MYO5B: variants seen among roughly 807,000 people sequenced by gnomAD.
MYO5B encodes myosin VB.
MYO5B carries 143 observed loss-of-function variants against 229.3 expected under a neutral mutation model. The observed-to-expected ratio is 0.62, with a 90% CI of 0.54 to 0.72. The LOEUF is 0.72. MYO5B is among the 30% of genes least tolerant of loss of function. The pLI is 0.00. For missense variants in MYO5B, 2,321 were observed against 2,331.0 expected, an observed-to-expected ratio of 1.00 and a Z score of 0.09; for synonymous variants, 918 against 885.2, an observed-to-expected ratio of 1.04 and a Z score of -0.66.
intron 14 of MYO5B, among the ~76,000 whole-genome samples, chr18:49,942,393 A>AC (rs1568040205): frequency 7.1e-5 from 10 of 141,276 alleles, no homozygotes; most frequent in African/African-American, 2.5e-4. Context: ...AAAAAAAAAA[A>AC]AAAAAAAAAA....
Position 49,864,216 on chromosome 18 carries a change from C to T in MYO5B, c.3768G>A (p.Val1256=), listed in dbSNP as rs757575025. The T allele has an allele frequency of 3.7e-6, 6 of 1,613,896 alleles. No individual in the cohort carries two copies. In the Admixed American group the frequency reaches 6.7e-5, roughly 18 times the overall value. Residue 1256 remains valine (V), a synonymous_variant, in exon 28 of 40, where the codon GTG becomes GTA. Transcript: ENST00000285039. ...TGAGGATGAGCACCTCCTCCTTGCGCACCTCGAGCTCCTCGTGGGCCAGCT... is the reference window on the plus strand; with the variant it reads ...TGAGGATGAGCACCTCCTCCTTGCGTACCTCGAGCTCCTCGTGGGCCAGCT... ...QLKLAHEELE[V]RKEEVLILRT... is the part of the protein sequence containing the mutation.
chr18:50,194,645 C>T, intron 1 of MYO5B, 122 bp downstream of exon 1: 2 of 656,004 alleles, frequency 3.0e-6, no homozygotes, highest in Non-Finnish European at 5.1e-6. Flanking sequence ...GAGGACACCG[C>T]GGAGGGGGGT....
At chr18:49,889,059 CA>C (rs1391451590) in intron 22 of MYO5B, among the ~76,000 whole-genome samples, 1 of 152,214 alleles carries the variant, frequency 6.6e-6, no homozygotes, top group Non-Finnish European at 1.5e-5. Flanking sequence ...GAAAGCTTAT[CA>C]AATGAATAGA....
intron 8 of MYO5B, among the ~76,000 whole-genome samples, chr18:49,981,794 C>T (rs2025817897): frequency 6.6e-6 from 1 of 152,078 alleles, no homozygotes; most frequent in South Asian, 2.1e-4. Flanking sequence ...TTAAAAATCC[C>T]CCCCAAAAAA....
At chr18:49,964,483 C>T (rs2025599423) in intron 10 of MYO5B, among the ~76,000 whole-genome samples, 1 of 152,110 alleles carries the variant, frequency 6.6e-6, no homozygotes, top group Non-Finnish European at 1.5e-5. Flanking sequence ...TGGAAAATTT[C>T]CCCATGCTCC....
In MYO5B at chr18:49,974,500, G is replaced by T; in HGVS notation, c.1172C>A (p.Thr391Asn). 6.2e-7 allele frequency: 1 copy of T among 1,614,196 alleles called. No individual in the cohort carries two copies. Among genetic ancestry groups the T allele is most frequent in the South Asian group, 1.1e-5 (1 of 91,082 alleles). The change falls in exon 10 of 40, where the codon ACC (threonine) becomes AAC (asparagine). Residue 391 changes from threonine to asparagine, a missense_variant. Thr to Asn is a moderately conservative substitution (Grantham distance 65). Transcript: ENST00000285039. ...ATTGATCACCTGCTGCAGGGACATG[G>T]TCTTGACGTAGGTCTCCGAGGTGGT... ...LVTTSETYVKTMSLQQVINAR... is the reference protein window; with the variant it reads ...LVTTSETYVKNMSLQQVINAR...
chr18:50,081,582 T>G (rs1440098917), intron 1 of MYO5B, among the ~76,000 whole-genome samples: 1 of 152,244 alleles, frequency 6.6e-6, no homozygotes, highest in Non-Finnish European at 1.5e-5. Context: ...AGGGTTGCCA[T>G]ACTTTGGGGC....
At chr18:49,875,970 C>T in intron 25 of MYO5B, 143 bp from the exon 26 acceptor site, 1 of 956,068 alleles carries the variant, frequency 1.0e-6, no homozygotes, top group Non-Finnish European at 1.6e-6. Flanking sequence ...AATACAAAGC[C>T]AATGACAACC....
At position 50,183,315 on chromosome 18, in the gene MYO5B, A is replaced by ATATATATATATATATATATATATATATC. The variant is rs2033100215; in HGVS notation, c.27+11451_27+11452insGATATATATATATATATATATATATATA. ...GTTTCCTCAATTTTATCATATATAT[A>ATATATATATATATATATATATATATATC]TATATATATATATATATATATATCT... On this transcript the variant is annotated intron_variant, in intron 1 of 39. Coordinates refer to ENST00000285039, the MANE Select transcript of MYO5B (RefSeq NM_001080467.3). 9.4e-5 allele frequency among the ~76,000 whole-genome samples: 4 copies of ATATATATATATATATATATATATATATC among 42,766 alleles called. No individual in the cohort carries two copies. In the South Asian group the frequency reaches 2.2e-3, roughly 24 times the overall value. The allele number at this position is 42,766 out of a possible 152,430, so 28.1% of individuals were successfully genotyped here.
At chr18:49,871,725 C>G (rs754336271) in intron 27 of MYO5B, 5 of 248,648 alleles carry the variant, frequency 2.0e-5, no homozygotes, top group Non-Finnish European at 2.4e-5. Context: ...TCCCACATTA[C>G]CACGTCTTTG....
At chr18:50,002,210 A>AT (rs925928823) in intron 4 of MYO5B, among the ~76,000 whole-genome samples, 6 of 151,772 alleles carry the variant, frequency 4.0e-5, no homozygotes, top group East Asian at 1.9e-4. Context: ...AGTTTTGAAC[A>AT]TTTTTTTTCA....
At chr18:49,875,332 C>T (rs914137694) in intron 26 of MYO5B, among the ~76,000 whole-genome samples, 3 of 152,142 alleles carry the variant, frequency 2.0e-5, no homozygotes, top group African/African-American at 4.8e-5. Context: ...TATGAAAGGG[C>T]GATAGGTCAT....
chr18:49,907,581 G>A (rs1451078436), intron 18 of MYO5B, among the ~76,000 whole-genome samples: 2 of 152,214 alleles, frequency 1.3e-5, no homozygotes, highest in Non-Finnish European at 2.9e-5. Context: ...AGACCATAAT[G>A]AGAAAGGAAG....
chr18:49,934,145 C>A (rs1227725243), intron 16 of MYO5B, among the ~76,000 whole-genome samples: 2 of 152,198 alleles, frequency 1.3e-5, no homozygotes, highest in South Asian at 2.1e-4. Flanking sequence ...CAAAGCACTG[C>A]CATTACAGGC....
intron 10 of MYO5B, among the ~76,000 whole-genome samples, chr18:49,970,517 C>A (rs373042353): frequency 6.6e-6 from 1 of 152,152 alleles, no homozygotes; most frequent in East Asian, 1.9e-4. Flanking sequence ...TGAGTCAGAA[C>A]ACAGTGATGG....
intron 2 of MYO5B, among the ~76,000 whole-genome samples, chr18:50,042,923 T>C (rs1223523080): frequency 7.9e-5 from 12 of 152,210 alleles, no homozygotes; most frequent in Non-Finnish European, 1.8e-4. Context: ...CTTCAACTCC[T>C]GAGGCAGAAA....
intron 2 of MYO5B, among the ~76,000 whole-genome samples, chr18:50,047,461 G>A (rs1301448534): frequency 4.6e-5 from 7 of 152,248 alleles, no homozygotes; most frequent in African/African-American, 1.7e-4. Flanking sequence ...AGAGGATGTG[G>A]AGAAATAGAA....
At chr18:50,015,527 T>A (rs1415011500) in intron 4 of MYO5B, among the ~76,000 whole-genome samples, 1 of 152,246 alleles carries the variant, frequency 6.6e-6, no homozygotes. Flanking sequence ...TGAAATTTTT[T>A]AAGTGTTCTT....
chr18:49,875,717 C>A lies in MYO5B; in HGVS notation c.3507G>T (p.Lys1169Asn), dbSNP rs1273798936. Residue 1169 changes from lysine (K) to asparagine (N), a missense_variant, in exon 26 of 40, where the codon AAG becomes AAT. By Grantham distance (94) the Lys-to-Asn change is moderately conservative. Transcript: ENST00000285039. ...ERKKLQVQLEKREQQDSKKVQ... is the reference protein window; with the variant it reads ...ERKKLQVQLENREQQDSKKVQ... ...CTTTCTTGCTGTCCTGCTGTTCTCT[C>A]TTCTCCAGCTGCACTTGCAGCTTTT... is the stretch of plus-strand genomic sequence containing the variant. 3.1e-6 allele frequency: 5 copies of A among 1,614,170 alleles called. No homozygotes were observed. In the East Asian group the frequency reaches 1.1e-4, roughly 36 times the overall value.
Sources: gnomAD v4.1 joint callset for allele counts (sites outside exome capture counted in the v4.1 genomes callset) on GRCh38, gnomAD v4.1.1 for gene constraint, MANE v1.5 for transcripts, NCBI Gene and HGNC (gene_info 2026-07-23, HGNC 2026-07-21) for gene names.